Variants in CLIC2 observed in about 807,000 individuals in gnomAD.
CLIC2 encodes CLIC family member 2.
Under a neutral mutation model 14.8 loss-of-function variants are expected in CLIC2, and 9 were observed. That is an observed-to-expected ratio of 0.61 (90% confidence interval 0.37 to 1.06). The LOEUF is 1.06. CLIC2 is among the 50% of genes least tolerant of loss of function. The pLI is 0.01. For synonymous variants in CLIC2, 61 were observed against 66.3 expected, an observed-to-expected ratio of 0.92 and a Z score of 0.39; for missense variants, 148 against 181.4, an observed-to-expected ratio of 0.82 and a Z score of 1.06.
At chrX:155,288,867 G>A (rs1178626309) in intron 3 of CLIC2, among the ~76,000 whole-genome samples, 3 of 110,955 alleles carry the variant, frequency 2.7e-5, no homozygotes, top group African/African-American at 6.6e-5. Flanking sequence ...TGCTTTGGCC[G>A]GGCGCAGTGG....
chrX:155,310,387 T>C (rs1271524511), intron 1 of CLIC2: 4 of 248,472 alleles, frequency 1.6e-5, no homozygotes, highest in Admixed American at 9.8e-5. Context: ...TGTATGTTTC[T>C]GAAGCCAATT....
At chrX:155,320,286 G>A (rs974710547) in intron 1 of CLIC2, among the ~76,000 whole-genome samples, 57 of 112,135 alleles carry the variant, frequency 5.1e-4, no homozygotes, top group African/African-American at 1.7e-3. Flanking sequence ...TGCAGGGGTC[G>A]ACAGACCCCT....
intron 1 of CLIC2, among the ~76,000 whole-genome samples, chrX:155,312,207 G>A (rs1445822505): frequency 3.6e-5 from 4 of 111,909 alleles, no homozygotes; most frequent in African/African-American, 1.3e-4. Context: ...TGTTGCAGTT[G>A]TTTTTGGTGT....
intron 3 of CLIC2, among the ~76,000 whole-genome samples, chrX:155,294,744 A>G (rs2074986719): frequency 8.9e-6 from 1 of 112,153 alleles, no homozygotes; most frequent in Admixed American, 9.5e-5. Flanking sequence ...ACCATTATGT[A>G]CAACTGTATG....
chrX:155,313,287 C>G (rs1557320795), intron 1 of CLIC2, among the ~76,000 whole-genome samples: 1 of 108,355 alleles, frequency 9.2e-6, no homozygotes, highest in Non-Finnish European at 1.9e-5. Flanking sequence ...ATTAGTTCAA[C>G]TATTGTGGAA....
At chrX:155,305,228 C>T (rs188575338) in intron 1 of CLIC2, among the ~76,000 whole-genome samples, 1,877 of 112,041 alleles carry the variant, frequency 0.017, 50 homozygotes, top group African/African-American at 0.058. Context: ...TAGCAATCAG[C>T]GAGACTCCGT....
At chrX:155,299,206 C>T (rs1012912805) in intron 1 of CLIC2, 61 bp from the exon 2 acceptor site, 6 of 922,527 alleles carry the variant, frequency 6.5e-6, no homozygotes, top group Non-Finnish European at 9.4e-6. Flanking sequence ...TATTTAGTTC[C>T]TAATAGGAAA....
At chrX:155,309,412 CA>C (rs1224571613) in intron 1 of CLIC2, among the ~76,000 whole-genome samples, 1 of 112,097 alleles carries the variant, frequency 8.9e-6, no homozygotes, top group Non-Finnish European at 1.9e-5. Flanking sequence ...CCAGTATTAC[CA>C]TGATACCAAA....
Position 155,283,815 on chromosome X carries a change from G to T in CLIC2, c.294-3747C>A, listed in dbSNP as rs781985351. Reference sequence around the variant, plus strand: ...GTTGTTGCTGCTTATTGTGGTTGTTGTTGGTTTAGTTAATTTTCTTAACTA... The same window carrying T: ...GTTGTTGCTGCTTATTGTGGTTGTTTTTGGTTTAGTTAATTTTCTTAACTA... On this transcript the variant is annotated intron_variant, in intron 3 of 5. Transcript: ENST00000369449. Among the ~76,000 whole-genome samples, 3 of 111,047 alleles carry T rather than the reference G, an allele frequency of 2.7e-5. No homozygotes were observed. In the South Asian group the frequency reaches 1.1e-3, roughly 42 times the overall value.
intron 3 of CLIC2, among the ~76,000 whole-genome samples, chrX:155,291,932 C>T (rs1207240099): frequency 8.9e-6 from 1 of 112,173 alleles, no homozygotes; most frequent in Non-Finnish European, 1.9e-5. Flanking sequence ...TCCATTCCCG[C>T]CCGCAGCCCC....
intron 1 of CLIC2, among the ~76,000 whole-genome samples, chrX:155,330,667 A>G (rs1428939110): frequency 1.8e-5 from 2 of 111,368 alleles, no homozygotes; most frequent in African/African-American, 6.5e-5. Context: ...TTCAAAAAGA[A>G]GAACAAAAAA....
intron 1 of CLIC2, among the ~76,000 whole-genome samples, chrX:155,302,194 G>A (rs1176112703): frequency 9.3e-6 from 1 of 107,531 alleles, no homozygotes; most frequent in African/African-American, 3.4e-5. Flanking sequence ...ATTCGGCTGT[G>A]AATCCATCTG....
intron 1 of CLIC2, among the ~76,000 whole-genome samples, chrX:155,305,932 A>T (rs1557319982): frequency 8.9e-6 from 1 of 112,179 alleles, no homozygotes; most frequent in African/African-American, 3.2e-5. Context: ...TTGATTTACC[A>T]TAAGGATTTT....
At chrX:155,293,033 C>G (rs2074980049) in intron 3 of CLIC2, 1 of 667,230 alleles carries the variant, frequency 1.5e-6, no homozygotes. Flanking sequence ...TTAAACACAG[C>G]CCTGTACGAG....
Position 155,277,552 on chromosome X carries a change from G to A in CLIC2, c.*351C>T, listed in dbSNP as rs1305593855. On this transcript the variant is annotated 3_prime_UTR_variant, in exon 6 of 6. Coordinates refer to ENST00000369449, the MANE Select transcript of CLIC2 (RefSeq NM_001289.6). ...TATATGGAAATGTTTCTAAGGAGCAGGGTGAGATTGTACCTCTACTTATGA... is the reference window on the plus strand; with the variant it reads ...TATATGGAAATGTTTCTAAGGAGCAAGGTGAGATTGTACCTCTACTTATGA... 2.6e-5 allele frequency: 4 copies of A among 152,506 alleles called. No individual in the cohort carries two copies. The highest frequency in any genetic ancestry group is 5.0e-5 in the Non-Finnish European group (4 of 80,078). The allele number at this position is 152,506 out of a possible 1,213,427, so 12.6% of individuals were successfully genotyped here. A position where few individuals can be genotyped will look rare whatever the true frequency, so the allele number is the denominator to read the frequency against.
intron 1 of CLIC2, among the ~76,000 whole-genome samples, chrX:155,320,865 A>G (rs2075111877): frequency 8.9e-6 from 1 of 111,935 alleles, no homozygotes; most frequent in Non-Finnish European, 1.9e-5. Flanking sequence ...AGAGAAGAAC[A>G]TAAGTGACCT....
chrX:155,315,167 A>G (rs2075090587), intron 1 of CLIC2, among the ~76,000 whole-genome samples: 1 of 112,542 alleles, frequency 8.9e-6, no homozygotes, highest in African/African-American at 3.2e-5. Context: ...GGAGAAATCT[A>G]AAAGTCTGAA....
intron 1 of CLIC2, among the ~76,000 whole-genome samples, chrX:155,333,472 T>A (rs1337816433): frequency 1.8e-5 from 2 of 110,853 alleles, no homozygotes; most frequent in Admixed American, 1.9e-4. Flanking sequence ...AGGTAACATA[T>A]GTAAAGTATT....
chrX:155,332,788 A>T (rs1217528800), intron 1 of CLIC2, among the ~76,000 whole-genome samples: 1 of 112,470 alleles, frequency 8.9e-6, no homozygotes. Context: ...CCACCCAAAT[A>T]TGAAAAGTCT....
Sources: gnomAD v4.1 joint callset for allele counts (sites outside exome capture counted in the v4.1 genomes callset) on GRCh38, gnomAD v4.1.1 for gene constraint, MANE v1.5 for transcripts, NCBI Gene and HGNC (gene_info 2026-07-23, HGNC 2026-07-21) for gene names.